Variants in FAT3 observed in about 807,000 individuals in gnomAD.
FAT3 encodes the protein protocadherin Fat 3.
A neutral mutation model predicts 310.2 loss-of-function variants in FAT3; 95 were observed. The ratio of observed to expected loss-of-function variants is 0.31; its 90% CI spans 0.26 to 0.36. FAT3 has a LOEUF of 0.36. Among genes scored for constraint, FAT3 ranks in the 10% least tolerant of loss-of-function variants. The probability of loss-of-function intolerance (pLI) is 1.00; values close to 1 mark genes in which losing one functional copy is unlikely to be tolerated. For synonymous variants in FAT3, 2,314 were observed against 2,192.9 expected, an observed-to-expected ratio of 1.06 and a Z score of -1.54; for missense variants, 5,408 against 5,715.6, an observed-to-expected ratio of 0.95 and a Z score of 1.74.
chr11:92,312,551 G>A (rs910222309), intron 1 of FAT3, among the ~76,000 whole-genome samples: 3 of 152,150 alleles, frequency 2.0e-5, no homozygotes, highest in Non-Finnish European at 4.4e-5. Flanking sequence ...AGTAATACTA[G>A]TAAACAGCTG....
At chr11:92,469,983 A>G (rs1951866063) in intron 2 of FAT3, among the ~76,000 whole-genome samples, 1 of 152,208 alleles carries the variant, frequency 6.6e-6, no homozygotes, top group Admixed American at 6.5e-5. Flanking sequence ...TCATGCTCCA[A>G]TTCCAAGTGC....
At chr11:92,854,181 T>C (rs1317822857) in intron 19 of FAT3, among the ~76,000 whole-genome samples, 1 of 152,168 alleles carries the variant, frequency 6.6e-6, no homozygotes, top group Non-Finnish European at 1.5e-5. Flanking sequence ...TGCATATCCA[T>C]CCAGGTTGCG....
chr11:92,754,945 A>G (rs976505337), intron 4 of FAT3, among the ~76,000 whole-genome samples: 2 of 152,284 alleles, frequency 1.3e-5, no homozygotes, highest in East Asian at 1.9e-4. Flanking sequence ...GAAGAACATT[A>G]TGTTAACTCA....
chr11:92,651,113 G>GCTCAT (rs1389746072), intron 3 of FAT3, among the ~76,000 whole-genome samples: 1 of 152,210 alleles, frequency 6.6e-6, no homozygotes, highest in Non-Finnish European at 1.5e-5. Context: ...TGGTAGCCCT[G>GCTCAT]CTCATCTCCT....
intron 3 of FAT3, among the ~76,000 whole-genome samples, chr11:92,560,493 A>AG (rs1955186312): frequency 5.2e-5 from 3 of 57,982 alleles, no homozygotes; most frequent in African/African-American, 1.3e-4. Flanking sequence ...TTTTGCGTCT[A>AG]ACAGCCCATT....
intron 3 of FAT3, among the ~76,000 whole-genome samples, chr11:92,587,550 A>C (rs972062072): frequency 1.3e-5 from 2 of 152,008 alleles, no homozygotes. Flanking sequence ...TTTATTTTTA[A>C]CATGAAAAAG....
In FAT3 at chr11:92,599,893, C is replaced by A. The variant is rs1939926930; in HGVS notation, c.3607+74945C>A. ...ACTCCCTATGCCTTTTAAAACTGAT[C>A]ACAATTAAATTGAAAGGTTTAGTGA... On this transcript the variant is annotated intron_variant, in intron 3 of 27. Coordinates refer to ENST00000525166, the MANE Select transcript of FAT3 (RefSeq NM_001367949.2). Among the ~76,000 whole-genome samples the A allele has an allele frequency of 1.3e-5, 2 of 152,098 alleles. 1 individual carries two copies. The highest frequency in any genetic ancestry group is 1.3e-4 in the Admixed American group (2 of 15,274).
At chr11:92,759,223 G>C (rs1453763711) in intron 4 of FAT3, among the ~76,000 whole-genome samples, 2 of 152,192 alleles carry the variant, frequency 1.3e-5, no homozygotes, top group East Asian at 1.9e-4. Context: ...TAAAGAGACT[G>C]TTCAAGTAGG....
intron 4 of FAT3, among the ~76,000 whole-genome samples, chr11:92,755,879 C>G (rs370296050): frequency 8.5e-5 from 13 of 152,242 alleles, no homozygotes; most frequent in African/African-American, 3.1e-4. Flanking sequence ...TGGTTGATCT[C>G]CCAGTTTGCC....
chr11:92,779,707 A>C (rs1223332981), intron 7 of FAT3, among the ~76,000 whole-genome samples: 1 of 152,152 alleles, frequency 6.6e-6, no homozygotes, highest in Admixed American at 6.5e-5. Flanking sequence ...TTACATGGCA[A>C]ATGGGACTTC....
rs570286992 is a variant in FAT3, at chr11:92,354,386, T to C, written c.2274T>C (p.Asn758=). The change falls in exon 2 of 28, where the codon AAT becomes AAC. Residue 758 remains asparagine, a synonymous_variant. Transcript: ENST00000525166. The part of the protein sequence containing the change: ...IKAYDADSGF[N]GKVLFTISDG... ...CCTATGATGCCGACTCTGGCTTCAA[T>C]GGAAAAGTGCTATTTACAATATCAG... 29 of 1,613,914 alleles carry C rather than the reference T, an allele frequency of 1.8e-5. No homozygotes were observed. In the African/African-American group the frequency reaches 3.7e-4, roughly 21 times the overall value.
rs369436077 is a variant in FAT3 at position 92,443,320 on chromosome 11, C to T, written c.3293-81314C>T. Among the ~76,000 whole-genome samples the T allele has an allele frequency of 7.9e-5, 12 of 152,296 alleles. No homozygotes were observed. The South Asian group carries it at 1.2e-3, about 16-fold the overall frequency. On this transcript the variant is annotated intron_variant, in intron 2 of 27. Transcript: ENST00000525166. Reference sequence around the variant, plus strand: ...ATGTCAGTAGCTGAAAGTCCCCAAGCGCACACTGTACTGTATTGTCAAATC... The same window carrying T: ...ATGTCAGTAGCTGAAAGTCCCCAAGTGCACACTGTACTGTATTGTCAAATC...
intron 1 of FAT3, among the ~76,000 whole-genome samples, chr11:92,225,667 C>G (rs1297272816): frequency 1.3e-5 from 2 of 151,874 alleles, no homozygotes; most frequent in African/African-American, 4.8e-5. Flanking sequence ...AGGCGAGGCG[C>G]GGCGCAGAGA....
intron 3 of FAT3, among the ~76,000 whole-genome samples, chr11:92,685,186 T>C (rs1419698321): frequency 2.0e-5 from 3 of 152,194 alleles, no homozygotes; most frequent in African/African-American, 7.2e-5. Flanking sequence ...CTTGTTTAAA[T>C]AACATAATTT....
chr11:92,490,941 G>C (rs1365233761), intron 2 of FAT3, among the ~76,000 whole-genome samples: 1 of 151,922 alleles, frequency 6.6e-6, no homozygotes, highest in Non-Finnish European at 1.5e-5. Flanking sequence ...AGGTCATAAG[G>C]TTTGAACTCC....
intron 3 of FAT3, among the ~76,000 whole-genome samples, chr11:92,669,718 C>A (rs1193717956): frequency 1.3e-5 from 2 of 152,128 alleles, no homozygotes; most frequent in East Asian, 3.9e-4. Flanking sequence ...TCAGGACAGG[C>A]AATCCTAGTT....
chr11:92,429,601 C>T (rs184602218), intron 2 of FAT3, among the ~76,000 whole-genome samples: 84 of 152,216 alleles, frequency 5.5e-4, no homozygotes, highest in African/African-American at 1.8e-3. Flanking sequence ...TCAGCATTAG[C>T]TTGTCTGTAA....
At chr11:92,587,778 C>A (rs993783164) in intron 3 of FAT3, among the ~76,000 whole-genome samples, 1 of 151,910 alleles carries the variant, frequency 6.6e-6, no homozygotes, top group Non-Finnish European at 1.5e-5. Flanking sequence ...GTTCCTCCTT[C>A]CTTTAAGAAA....
chr11:92,641,011 A>G (rs546192086), intron 3 of FAT3, among the ~76,000 whole-genome samples: 1 of 152,316 alleles, frequency 6.6e-6, no homozygotes, highest in East Asian at 1.9e-4. Flanking sequence ...AGCCAGGGCA[A>G]CATGGTGAAA....
Sources: allele counts gnomAD v4.1 joint callset (sites outside exome capture counted in the v4.1 genomes callset), GRCh38; gene constraint gnomAD v4.1.1; transcripts MANE v1.5; gene names NCBI Gene and HGNC (gene_info 2026-07-23, HGNC 2026-07-21).